Variants in MAF observed in about 807,000 individuals in gnomAD.
MAF encodes the protein transcription factor Maf.
A neutral mutation model predicts 22.0 loss-of-function variants in MAF; 10 were observed. The ratio of observed to expected loss-of-function variants is 0.45; its 90% CI spans 0.28 to 0.77. The LOEUF (loss-of-function observed/expected upper bound fraction) is 0.77, where lower values mean the gene tolerates loss of function less well. MAF is among the 30% of genes least tolerant of loss of function. The pLI is 0.12. For missense variants in MAF, 544 were observed against 548.4 expected, an observed-to-expected ratio of 0.99 and a Z score of 0.08; for synonymous variants, 337 against 255.8, an observed-to-expected ratio of 1.32 and a Z score of -3.03.
At chr16:79,381,199 T>C in the MAF span, among the ~76,000 whole-genome samples, 8 of 152,270 alleles carry the variant, frequency 5.3e-5, no homozygotes, top group Non-Finnish European at 1.0e-4. Context: ...CTACAAATCA[T>C]GTGACTTCCT....
chr16:79,363,656 T>C, the MAF span, among the ~76,000 whole-genome samples: 1 of 152,026 alleles, frequency 6.6e-6, no homozygotes, highest in Non-Finnish European at 1.5e-5. Flanking sequence ...TACAACGAAA[T>C]TGGTACCAAA....
the MAF span, among the ~76,000 whole-genome samples, chr16:79,345,097 C>CA: frequency 6.6e-6 from 1 of 152,162 alleles, no homozygotes; most frequent in Admixed American, 6.5e-5. Flanking sequence ...TCAGCATGTA[C>CA]AAAGAGCTCA....
At chr16:79,516,986 C>T in the MAF span, among the ~76,000 whole-genome samples, 10 of 152,332 alleles carry the variant, frequency 6.6e-5, no homozygotes, top group East Asian at 3.9e-4. Flanking sequence ...AGTTTCCACA[C>T]TGAATCTTCT....
chr16:79,407,649 A>C, the MAF span, among the ~76,000 whole-genome samples: 1 of 152,176 alleles, frequency 6.6e-6, no homozygotes, highest in Admixed American at 6.5e-5. Flanking sequence ...TCTCAGAAGC[A>C]CATCATATCA....
the MAF span, among the ~76,000 whole-genome samples, chr16:79,454,558 C>T: frequency 6.6e-6 from 1 of 152,156 alleles, no homozygotes; most frequent in Non-Finnish European, 1.5e-5. Context: ...AAGAATTATC[C>T]CTTCCTACTA....
the MAF span, among the ~76,000 whole-genome samples, chr16:79,515,362 T>C: frequency 6.6e-6 from 1 of 152,220 alleles, no homozygotes; most frequent in Non-Finnish European, 1.5e-5. Context: ...GTGACACACA[T>C]TCAGTAGAAA....
At chr16:79,502,071 G>A in the MAF span, among the ~76,000 whole-genome samples, 1 of 152,040 alleles carries the variant, frequency 6.6e-6, no homozygotes, top group South Asian at 2.1e-4. Flanking sequence ...TTTCACCACC[G>A]CTGCAATTTT....
At chr16:79,236,504 G>A in the MAF span, among the ~76,000 whole-genome samples, 2 of 152,086 alleles carry the variant, frequency 1.3e-5, no homozygotes, top group Admixed American at 1.3e-4. Flanking sequence ...TTGGCTTTGT[G>A]TGTTTAGTCT....
the MAF span, among the ~76,000 whole-genome samples, chr16:79,248,402 T>C: frequency 6.6e-6 from 1 of 152,332 alleles, no homozygotes; most frequent in East Asian, 1.9e-4. Flanking sequence ...ATTTCTTACA[T>C]GATGCCCCTG....
downstream of MAF, among the ~76,000 whole-genome samples, chr16:79,593,184 T>C (rs1319334824): frequency 6.6e-6 from 1 of 152,186 alleles, no homozygotes; most frequent in Non-Finnish European, 1.5e-5. Flanking sequence ...AGGAGTGTAT[T>C]TCGTAAAGCC....
chr16:79,274,477 C>A, the MAF span, among the ~76,000 whole-genome samples: 1 of 152,100 alleles, frequency 6.6e-6, no homozygotes, highest in Admixed American at 6.5e-5. Context: ...AGGAGCTGCA[C>A]CCTGGAGACT....
At chr16:79,212,252 GATA>G in the MAF span, 1 of 1,328,260 alleles carries the variant, frequency 7.5e-7, no homozygotes, top group Non-Finnish European at 1.0e-6. Flanking sequence ...TGATCCAGGA[GATA>G]ATTGTTTCAT....
chr16:79,405,747 C>G, the MAF span, among the ~76,000 whole-genome samples: 5 of 152,182 alleles, frequency 3.3e-5, no homozygotes, highest in African/African-American at 1.2e-4. Flanking sequence ...CTAATAGTCA[C>G]TGAGCTCTTG....
chr16:79,567,610 T>C, the MAF span, among the ~76,000 whole-genome samples: 1 of 152,222 alleles, frequency 6.6e-6, no homozygotes, highest in African/African-American at 2.4e-5. Context: ...GAGAATTAAA[T>C]AAAGTGAGGG....
chr16:79,304,419 C>G, the MAF span, among the ~76,000 whole-genome samples: 1 of 152,202 alleles, frequency 6.6e-6, no homozygotes, highest in East Asian at 1.9e-4. Context: ...GGTTTTTAAT[C>G]TTCCCATTCC....
the MAF span, among the ~76,000 whole-genome samples, chr16:79,446,830 C>T: frequency 6.6e-6 from 1 of 151,756 alleles, no homozygotes; most frequent in African/African-American, 2.4e-5. Flanking sequence ...ATCACTTGAG[C>T]CAAGGAGTTT....
downstream of MAF, among the ~76,000 whole-genome samples, chr16:79,592,007 A>G (rs772115896): frequency 6.6e-6 from 1 of 152,266 alleles, no homozygotes; most frequent in African/African-American, 2.4e-5. Flanking sequence ...TACTTCTGGC[A>G]TACATGCACA....
At chr16:79,498,597 C>T in the MAF span, among the ~76,000 whole-genome samples, 9 of 152,126 alleles carry the variant, frequency 5.9e-5, no homozygotes, top group South Asian at 2.1e-4. Context: ...CACACCAGCT[C>T]CTTGAGATGG....
chr16:79,247,301 T>C, the MAF span, among the ~76,000 whole-genome samples: 5 of 152,348 alleles, frequency 3.3e-5, no homozygotes, highest in South Asian at 1.0e-3. Context: ...ATTACTGGCA[T>C]GTCAATGGAG....
Sources: allele counts gnomAD v4.1 joint callset (sites outside exome capture counted in the v4.1 genomes callset), GRCh38; gene constraint gnomAD v4.1.1; transcripts MANE v1.5; gene names NCBI Gene and HGNC (gene_info 2026-07-23, HGNC 2026-07-21).